The following KCNMA1 variants were observed in gnomAD, a reference collection of about 807,000 sequenced individuals.
KCNMA1 encodes Calcium-activated potassium channel subunit alpha-1.
KCNMA1 carries 29 observed loss-of-function variants against 140.0 expected under a neutral mutation model. The observed-to-expected ratio is 0.21, with a 90% CI of 0.15 to 0.28. KCNMA1 has a LOEUF of 0.28. Among genes scored for constraint, KCNMA1 ranks in the 10% least tolerant of loss-of-function variants. The pLI, the probability that KCNMA1 is intolerant of heterozygous loss-of-function variation, is 1.00. For synonymous variants in KCNMA1, 612 were observed against 611.9 expected (o/e 1.00, Z 0.00); for missense variants, 880 against 1,602.2 (o/e 0.55, Z 7.70).
In KCNMA1 at chr10:77,161,530, C is replaced by T. The variant is rs1046409596; in HGVS notation, c.808+21891G>A. 6.6e-5 allele frequency among the ~76,000 whole-genome samples: 10 copies of T among 152,238 alleles called. No homozygotes were observed. The South Asian group carries it at 1.9e-3, about 28-fold the overall frequency. ...AAGCTGCTGAGATTACAGGTGTGAG[C>T]CACCATGCCTGATGGAGTTTTAATA... On this transcript the variant is annotated intron_variant, in intron 5 of 27. Coordinates refer to ENST00000286628, the MANE Select transcript of KCNMA1 (RefSeq NM_001161352.2).
intron 10 of KCNMA1, among the ~76,000 whole-genome samples, chr10:77,089,772 T>G (rs1241654396): frequency 6.6e-6 from 1 of 152,194 alleles, no homozygotes; most frequent in Non-Finnish European, 1.5e-5. Flanking sequence ...ATGAGGAAGC[T>G]GAGGCACAGG....
chr10:77,344,849 C>T (rs1011515642), intron 2 of KCNMA1, among the ~76,000 whole-genome samples: 6 of 152,110 alleles, frequency 3.9e-5, no homozygotes, highest in Admixed American at 3.9e-4. Flanking sequence ...GAGACCTTTC[C>T]TGTCTCCGTT....
At chr10:76,987,439 G>C (rs1425071243) in intron 19 of KCNMA1, among the ~76,000 whole-genome samples, 1 of 152,208 alleles carries the variant, frequency 6.6e-6, no homozygotes, top group South Asian at 2.1e-4. Context: ...TAAAAGGCCA[G>C]ATAGTAAATA....
intron 1 of KCNMA1, among the ~76,000 whole-genome samples, chr10:77,481,949 G>A (rs560888213): frequency 6.6e-5 from 10 of 152,186 alleles, no homozygotes; most frequent in Admixed American, 5.9e-4. Flanking sequence ...CAGTGGGTGA[G>A]GAAACATGAA....
At chr10:77,632,991 C>T (rs1332718564) in intron 1 of KCNMA1, among the ~76,000 whole-genome samples, 1 of 152,202 alleles carries the variant, frequency 6.6e-6, no homozygotes, top group Non-Finnish European at 1.5e-5. Flanking sequence ...TGCCTGATTG[C>T]AGAGTCTTGT....
chr10:77,583,403 C>T (rs2243681), intron 1 of KCNMA1, among the ~76,000 whole-genome samples: 139,302 of 152,290 alleles, frequency 0.91, 63,855 homozygotes, highest in South Asian at 0.97. Context: ...ATATTTCTCA[C>T]ATAGGGACAC....
intron 2 of KCNMA1, among the ~76,000 whole-genome samples, chr10:77,354,995 G>A (rs187121076): frequency 5.2e-4 from 79 of 152,276 alleles, no homozygotes; most frequent in African/African-American, 1.9e-3. Flanking sequence ...ATCTTGAATT[G>A]TATTCCCATA....
In KCNMA1 at chr10:76,909,949, G is replaced by A. The variant is rs774003776; in HGVS notation, c.3147+17C>T. 4 of 1,612,148 alleles carry A rather than the reference G, an allele frequency of 2.5e-6. No individual in the cohort carries two copies. Among genetic ancestry groups the A allele is most frequent in the Non-Finnish European group, 3.4e-6 (4 of 1,179,582 alleles). ...TCCTCCACCCTTGAGTGAGGAGGAG[G>A]GAACAGGATAACTCACCGCGCTCAT... On this transcript the variant is annotated intron_variant, in intron 25 of 27. Coordinates refer to ENST00000286628, the MANE Select transcript of KCNMA1 (RefSeq NM_001161352.2).
chr10:77,494,940 G>A (rs1468040149), intron 1 of KCNMA1, among the ~76,000 whole-genome samples: 1 of 152,130 alleles, frequency 6.6e-6, no homozygotes, highest in African/African-American at 2.4e-5. Flanking sequence ...CTCCCTGTGT[G>A]CATGTCTGTC....
chr10:77,574,787 A>C (rs1483244432), intron 1 of KCNMA1, among the ~76,000 whole-genome samples: 1 of 152,238 alleles, frequency 6.6e-6, no homozygotes, highest in Non-Finnish European at 1.5e-5. Context: ...TGAATGGTGC[A>C]CCCAACACAC....
At chr10:77,263,776 C>G (rs1449345753) in intron 2 of KCNMA1, among the ~76,000 whole-genome samples, 2 of 152,140 alleles carry the variant, frequency 1.3e-5, no homozygotes, top group Non-Finnish European at 2.9e-5. Context: ...ACATTCCTGG[C>G]ACCAAACATG....
At chr10:77,099,028 CT>C (rs1410191080) in intron 9 of KCNMA1, among the ~76,000 whole-genome samples, 1 of 151,978 alleles carries the variant, frequency 6.6e-6, no homozygotes, top group Non-Finnish European at 1.5e-5. Flanking sequence ...TGGCACTTTC[CT>C]TTTTTCAGAT....
chr10:77,109,251 C>A (rs1488378213), intron 8 of KCNMA1, among the ~76,000 whole-genome samples: 3 of 152,078 alleles, frequency 2.0e-5, no homozygotes, highest in African/African-American at 7.2e-5. Flanking sequence ...TGTACACATG[C>A]ATGTGCACAT....
chr10:77,626,113 A>G (rs2092479523), intron 1 of KCNMA1, among the ~76,000 whole-genome samples: 1 of 152,170 alleles, frequency 6.6e-6, no homozygotes, highest in Non-Finnish European at 1.5e-5. Flanking sequence ...TCTACAATGA[A>G]CATGTAGTAT....
At chr10:77,386,347 A>T (rs182603607) in intron 2 of KCNMA1, among the ~76,000 whole-genome samples, 1 of 152,374 alleles carries the variant, frequency 6.6e-6, no homozygotes, top group East Asian at 1.9e-4. Flanking sequence ...CCTAGGCCTT[A>T]CAGTTAATAG....
intron 1 of KCNMA1, among the ~76,000 whole-genome samples, chr10:77,518,915 C>G (rs370261532): frequency 6.6e-6 from 1 of 152,236 alleles, no homozygotes; most frequent in African/African-American, 2.4e-5. Context: ...GACTGTCTCC[C>G]TGCTGCCCAG....
intron 1 of KCNMA1, among the ~76,000 whole-genome samples, chr10:77,562,720 C>T (rs1352013738): frequency 6.6e-6 from 1 of 152,210 alleles, no homozygotes; most frequent in Non-Finnish European, 1.5e-5. Context: ...TACAATAAAG[C>T]CACCTTTGCA....
intron 19 of KCNMA1, among the ~76,000 whole-genome samples, chr10:76,985,068 A>G (rs944155999): frequency 1.5e-4 from 23 of 152,256 alleles, no homozygotes; most frequent in African/African-American, 4.3e-4. Flanking sequence ...CAATCTATGC[A>G]TAAATACACA....
At chr10:77,016,467 G>A (rs79984339) in intron 17 of KCNMA1, among the ~76,000 whole-genome samples, 19 of 152,204 alleles carry the variant, frequency 1.2e-4, no homozygotes, top group South Asian at 4.1e-4. Context: ...TTTGATGGGC[G>A]AATGAATGAG....
Sources: gnomAD v4.1 joint callset for allele counts (sites outside exome capture counted in the v4.1 genomes callset) on GRCh38, gnomAD v4.1.1 for gene constraint, MANE v1.5 for transcripts, NCBI Gene and HGNC (gene_info 2026-07-23, HGNC 2026-07-21) for gene names.